The following CDIN1 variants were observed in gnomAD, a reference collection of about 807,000 sequenced individuals.
The protein encoded by CDIN1 is CDAN1 interacting nuclease 1.
A neutral mutation model predicts 45.3 loss-of-function variants in CDIN1; 33 were observed. That is an observed-to-expected ratio of 0.73 (90% CI 0.55 to 0.97). The LOEUF is 0.97. Among genes scored for constraint, CDIN1 ranks in the 50% least tolerant of loss-of-function variants. The pLI is 0.00. For missense variants in CDIN1, 303 were observed against 339.4 expected (o/e 0.89, Z 0.84); for synonymous variants, 118 against 124.4 (o/e 0.95, Z 0.34).
At position 36,612,414 on chromosome 15, in the gene CDIN1, C is replaced by T. The variant is rs575562501; in HGVS notation, c.102-31864C>T. Among the ~76,000 whole-genome samples, 34 of 152,228 alleles carry T rather than the reference C, an allele frequency of 2.2e-4. No individual in the cohort carries two copies. In the South Asian group the frequency reaches 6.4e-3, roughly 29 times the overall value. Reference sequence around the variant, plus strand: ...ACTGGGAAAGACAAACATTTCTGTACGGTATAATCCACAGTTATTTGGGAT... The same window carrying T: ...ACTGGGAAAGACAAACATTTCTGTATGGTATAATCCACAGTTATTTGGGAT... On this transcript the variant is annotated intron_variant, in intron 1 of 10. Transcript: ENST00000566621.
At chr15:36,752,871 C>T (rs1334796963) in intron 10 of CDIN1, among the ~76,000 whole-genome samples, 1 of 152,132 alleles carries the variant, frequency 6.6e-6, no homozygotes, top group Non-Finnish European at 1.5e-5. Flanking sequence ...GTCCCTGTAA[C>T]TTGTCACTAT....
At chr15:36,781,794 T>TA (rs545571934) in intron 10 of CDIN1, among the ~76,000 whole-genome samples, 161 of 152,324 alleles carry the variant, frequency 1.1e-3, no homozygotes, top group Non-Finnish European at 2.1e-3. Context: ...TGATCTCAGT[T>TA]ACTCCCTCAC....
At chr15:36,752,822 G>A (rs1486483334) in intron 10 of CDIN1, among the ~76,000 whole-genome samples, 2 of 152,066 alleles carry the variant, frequency 1.3e-5, no homozygotes, top group Admixed American at 6.6e-5. Flanking sequence ...ATCTAAAAAC[G>A]CATCTTACTA....
intron 1 of CDIN1, among the ~76,000 whole-genome samples, chr15:36,610,856 A>G (rs780255542): frequency 1.1e-4 from 16 of 152,318 alleles, no homozygotes; most frequent in Admixed American, 2.0e-4. Flanking sequence ...CAGGTCAGAC[A>G]TTATTAAAGT....
chr15:36,626,842 C>A, intron 1 of CDIN1: 1 of 225,134 alleles, frequency 4.4e-6, no homozygotes, highest in South Asian at 5.7e-5. Flanking sequence ...GCATAGGGGT[C>A]ATGGCTAAGC....
intron 1 of CDIN1, among the ~76,000 whole-genome samples, chr15:36,589,045 A>G (rs1177280623): frequency 1.3e-5 from 2 of 152,192 alleles, no homozygotes; most frequent in Non-Finnish European, 2.9e-5. Flanking sequence ...TACCAGAATG[A>G]TTGCTTGTGC....
chr15:36,797,742 G>T lies in CDIN1; in HGVS notation c.717-10582G>T, dbSNP rs925334327. Reference sequence around the variant, plus strand: ...TGCCTGTAATCCCAGCACTTTGGGGGGCCGAGGCGGGCAGATCACCTGAGG... The same window carrying T: ...TGCCTGTAATCCCAGCACTTTGGGGTGCCGAGGCGGGCAGATCACCTGAGG... On this transcript the variant is annotated intron_variant, in intron 10 of 10. Transcript: ENST00000566621. 3.3e-5 allele frequency among the ~76,000 whole-genome samples: 5 copies of T among 152,222 alleles called. 1 individual carries two copies. In the South Asian group the frequency reaches 8.3e-4, roughly 25 times the overall value.
chr15:36,793,477 T>A (rs142336042), intron 10 of CDIN1, among the ~76,000 whole-genome samples: 6 of 152,306 alleles, frequency 3.9e-5, no homozygotes, highest in African/African-American at 1.4e-4. Flanking sequence ...TCTTCAGCTG[T>A]CCTATCAGAA....
At chr15:36,729,262 T>G (rs2043755005) in intron 10 of CDIN1, among the ~76,000 whole-genome samples, 1 of 152,202 alleles carries the variant, frequency 6.6e-6, no homozygotes, top group African/African-American at 2.4e-5. Context: ...GATCTTTTCT[T>G]GGTTTCGAGA....
At chr15:36,796,400 C>T (rs925634038) in intron 10 of CDIN1, among the ~76,000 whole-genome samples, 49 of 152,292 alleles carry the variant, frequency 3.2e-4, no homozygotes, top group African/African-American at 1.1e-3. Context: ...ATTACATTTA[C>T]TAGAATGCCT....
chr15:36,591,066 T>G (rs1397591530), intron 1 of CDIN1, among the ~76,000 whole-genome samples: 1 of 152,234 alleles, frequency 6.6e-6, no homozygotes, highest in African/African-American at 2.4e-5. Context: ...AATTTTGTGG[T>G]TGGACATTCA....
chr15:36,610,082 C>A (rs1158890899), intron 1 of CDIN1, among the ~76,000 whole-genome samples: 1 of 152,174 alleles, frequency 6.6e-6, no homozygotes, highest in East Asian at 1.9e-4. Context: ...GACTGGCTAT[C>A]TTGCTAAAGT....
At position 36,745,901 on chromosome 15, in the gene CDIN1, G is replaced by C. The variant is rs1301554886; in HGVS notation, c.716+35940G>C. The stretch of plus-strand genomic sequence containing the variant: ...GAATCGCTTGAACCCAGGAGTTAGA[G>C]GTTGCAATGAGCCGAGATCACGCCA... On this transcript the variant is annotated intron_variant, in intron 10 of 10. Transcript: ENST00000566621. Among the ~76,000 whole-genome samples the C allele has an allele frequency of 2.6e-5, 4 of 152,008 alleles. No homozygotes were observed. The East Asian group carries it at 7.7e-4, about 29-fold the overall frequency.
intron 5 of CDIN1, among the ~76,000 whole-genome samples, chr15:36,659,903 T>C (rs2040928904): frequency 6.6e-6 from 1 of 151,888 alleles, no homozygotes; most frequent in South Asian, 2.1e-4. Flanking sequence ...AATTTGCTGA[T>C]GGTGCTAGGT....
intron 9 of CDIN1, 86 bp downstream of exon 9, chr15:36,709,374 A>G: frequency 1.1e-6 from 1 of 910,312 alleles, no homozygotes; most frequent in Non-Finnish European, 1.6e-6. Context: ...TAGCTTTATA[A>G]TATTATAAAT....
chr15:36,645,310 G>C (rs922866253), intron 3 of CDIN1, 23 bp downstream of exon 3: 1 of 1,519,724 alleles, frequency 6.6e-7, no homozygotes, highest in Admixed American at 2.0e-5. Flanking sequence ...TGCCCCACTA[G>C]AGGGTATCAT....
intron 10 of CDIN1, among the ~76,000 whole-genome samples, chr15:36,779,216 A>G (rs1435352494): frequency 6.6e-6 from 1 of 152,218 alleles, no homozygotes; most frequent in Non-Finnish European, 1.5e-5. Context: ...AGAGTTCCCT[A>G]AACAATGAAT....
intron 10 of CDIN1, among the ~76,000 whole-genome samples, chr15:36,795,603 G>A (rs7177403): frequency 0.98 from 149,564 of 152,248 alleles, 73,511 homozygotes; most frequent in Middle Eastern, 1. Flanking sequence ...ATAACATTTA[G>A]GTCACTGACA....
At chr15:36,708,654 A>T (rs2042952968) in intron 8 of CDIN1, 1 of 152,062 alleles carries the variant, frequency 6.6e-6, no homozygotes, top group African/African-American at 2.4e-5. Context: ...TTGTTATAAA[A>T]CTCAGGTAAA....
Sources: gnomAD v4.1 joint callset for allele counts (sites outside exome capture counted in the v4.1 genomes callset) on GRCh38, gnomAD v4.1.1 for gene constraint, MANE v1.5 for transcripts, NCBI Gene and HGNC (gene_info 2026-07-23, HGNC 2026-07-21) for gene names.